The following HDAC4 variants were observed in gnomAD, a reference collection of about 807,000 sequenced individuals.
HDAC4 encodes the protein histone deacetylase A.
A neutral mutation model predicts 135.1 loss-of-function variants in HDAC4; 16 were observed. The ratio of observed to expected loss-of-function variants is 0.12; its 90% CI spans 0.08 to 0.18. HDAC4 has a LOEUF of 0.18. Among genes scored for constraint, HDAC4 ranks in the 10% least tolerant of loss-of-function variants. HDAC4 has a pLI of 1.00. For missense variants in HDAC4, 1,143 were observed against 1,511.8 expected (o/e 0.76, Z 4.05); for synonymous variants, 685 against 653.4 (o/e 1.05, Z -0.74).
At position 239,352,213 on chromosome 2, in the gene HDAC4, G is replaced by A. The variant is rs1413668686; in HGVS notation, c.22+465C>T. On this transcript the variant is annotated intron_variant, in intron 2 of 26. Coordinates refer to ENST00000543185, the MANE Select transcript of HDAC4 (RefSeq NM_001378414.1). The surrounding 1 kb of genome is among the most constrained non-coding windows in gnomAD (Gnocchi z 4.4). Reference sequence around the variant, plus strand: ...AATGCTTAGTGCAGCCCCTCACAGAGGCCCTCAAACACCAGGAGCAACTGT... The same window carrying A: ...AATGCTTAGTGCAGCCCCTCACAGAAGCCCTCAAACACCAGGAGCAACTGT... Among the ~76,000 whole-genome samples the A allele has an allele frequency of 2.0e-5, 3 of 152,114 alleles. No individual in the cohort carries two copies. Among genetic ancestry groups the A allele is most frequent in the Non-Finnish European group, 2.9e-5 (2 of 68,024 alleles).
rs1040603286 is a variant in HDAC4, at chr2:239,139,589, G to C, written c.978+95C>G. ...CCCTCACCCCAAATTGGAAGGTGAA[G>C]AGTGAAGGGCAAGTGCAAAGTGGGG... On this transcript the variant is annotated intron_variant, in intron 9 of 26. Transcript: ENST00000543185. This position sits in a 1 kb window ranked among gnomAD's most constrained non-coding sequence, Gnocchi z 5.3. 26 of 1,119,242 alleles carry C rather than the reference G, an allele frequency of 2.3e-5. No individual in the cohort carries two copies. The highest frequency in any genetic ancestry group is 3.3e-5 in the Non-Finnish European group (24 of 729,618). The allele number at this position is 1,119,242 out of a possible 1,614,324, so 69.3% of individuals were successfully genotyped here.
intron 3 of HDAC4, among the ~76,000 whole-genome samples, chr2:239,212,567 A>T (rs1238809731): frequency 6.6e-6 from 1 of 152,130 alleles, no homozygotes; most frequent in Non-Finnish European, 1.5e-5. Flanking sequence ...AGAGCATGTG[A>T]CCCCTCATCC....
At chr2:239,202,028 C>G (rs2045787158) in intron 3 of HDAC4, among the ~76,000 whole-genome samples, 1 of 152,184 alleles carries the variant, frequency 6.6e-6, no homozygotes, top group South Asian at 2.1e-4. Flanking sequence ...CCAGCCTCCA[C>G]CCCCCTGCAG....
chr2:239,140,544 A>C (rs1479927584), intron 8 of HDAC4, among the ~76,000 whole-genome samples: 1 of 152,188 alleles, frequency 6.6e-6, no homozygotes, highest in East Asian at 1.9e-4. Flanking sequence ...TTGGCTTGTC[A>C]TATGTTTAGT....
chr2:239,260,658 GCCT>G (rs2049306191), intron 2 of HDAC4, among the ~76,000 whole-genome samples: 1 of 152,156 alleles, frequency 6.6e-6, no homozygotes, highest in South Asian at 2.1e-4. Flanking sequence ...GTGGCCTGTG[GCCT>G]CCGGCTCTGC....
At chr2:239,274,450 C>T (rs2050232954) in intron 2 of HDAC4, among the ~76,000 whole-genome samples, 1 of 152,156 alleles carries the variant, frequency 6.6e-6, no homozygotes, top group Non-Finnish European at 1.5e-5. Flanking sequence ...TATGGGCCCC[C>T]GCAAGAGATG....
rs567310160 is a variant in HDAC4, at chr2:239,297,632, G to T, written c.22+55046C>A. Among the ~76,000 whole-genome samples the T allele has an allele frequency of 2.4e-4, 37 of 152,286 alleles. No individual in the cohort carries two copies. The East Asian group carries it at 7.1e-3, about 29-fold the overall frequency. ...GTCACTGCTGGCTAATGAGGCCTGG[G>T]GATGCCAGGCCCCAATGGTAGCGCC... On this transcript the variant is annotated intron_variant, in intron 2 of 26. Transcript: ENST00000543185.
chr2:239,194,845 T>C (rs1396102326), intron 3 of HDAC4, among the ~76,000 whole-genome samples: 1 of 152,226 alleles, frequency 6.6e-6, no homozygotes, highest in African/African-American at 2.4e-5. Flanking sequence ...CCACTCCAGC[T>C]TCTCCAGCAG....
rs543251274 is a variant in HDAC4, at chr2:239,050,293, A to G, written c.*2804T>C. 12 of 151,894 alleles carry G rather than the reference A, an allele frequency of 7.9e-5. No individual in the cohort carries two copies. The highest frequency in any genetic ancestry group is 2.9e-4 in the African/African-American group (12 of 41,416). The allele number at this position is 151,894 out of a possible 1,614,324, so 9.4% of individuals were successfully genotyped here. On this transcript the variant is annotated 3_prime_UTR_variant, in exon 27 of 27. Transcript: ENST00000543185. ...ACTGAGCAGTCCATGTTATCCCATC[A>G]TCTGCTTAAAAAAAAAAAGTGAGAT...
chr2:239,239,938 C>T (rs2048083686), intron 2 of HDAC4, among the ~76,000 whole-genome samples: 2 of 152,270 alleles, frequency 1.3e-5, no homozygotes, highest in Admixed American at 1.3e-4. Context: ...GCTAACCCCA[C>T]ATGTGGAGGC....
Position 239,107,290 on chromosome 2 carries a change from C to T in HDAC4, c.2112+760G>A, listed in dbSNP as rs145139217. On this transcript the variant is annotated intron_variant, in intron 15 of 26. Transcript: ENST00000543185. ...CCTCCTTGGGCCTGGGAGTCCACTG[C>T]AGCCAGATTCGGGGCAGGGCTCTGG... Among the ~76,000 whole-genome samples the T allele has an allele frequency of 2.6e-5, 4 of 152,360 alleles. No homozygotes were observed. The East Asian group carries it at 5.8e-4, about 22-fold the overall frequency.
At chr2:239,191,288 G>C (rs1326732351) in intron 3 of HDAC4, among the ~76,000 whole-genome samples, 1 of 152,188 alleles carries the variant, frequency 6.6e-6, no homozygotes, top group Non-Finnish European at 1.5e-5. Context: ...CCTTGTCCAG[G>C]TGCATCCCTG....
intron 16 of HDAC4, among the ~76,000 whole-genome samples, chr2:239,102,440 C>T (rs903308222): frequency 2.0e-5 from 3 of 152,294 alleles, no homozygotes; most frequent in Admixed American, 6.5e-5. Context: ...GGCCTTAAAG[C>T]GGAGCTCAAA....
intron 8 of HDAC4, among the ~76,000 whole-genome samples, chr2:239,142,154 G>C (rs527254661): frequency 6.6e-6 from 1 of 152,146 alleles, no homozygotes; most frequent in African/African-American, 2.4e-5. Flanking sequence ...GACAGAGTGC[G>C]TATGGGAATG....
chr2:239,118,751 G>A (rs1226529875), intron 12 of HDAC4, among the ~76,000 whole-genome samples: 6 of 152,124 alleles, frequency 3.9e-5, no homozygotes, highest in Non-Finnish European at 8.8e-5. Context: ...TCACAAAGCC[G>A]GGGAGAAACA....
chr2:239,321,334 G>A (rs1217295788), intron 2 of HDAC4, among the ~76,000 whole-genome samples: 7 of 151,734 alleles, frequency 4.6e-5, no homozygotes, highest in Admixed American at 1.3e-4. Context: ...GCGTGGTGGC[G>A]GGCGCCTGTA....
intron 2 of HDAC4, among the ~76,000 whole-genome samples, chr2:239,336,103 A>G (rs1691916499): frequency 6.6e-6 from 1 of 152,242 alleles, no homozygotes; most frequent in Non-Finnish European, 1.5e-5. Context: ...ACATATTGTC[A>G]AGTGAAATAA....
intron 11 of HDAC4, among the ~76,000 whole-genome samples, chr2:239,130,608 C>T (rs1322262263): frequency 1.4e-5 from 2 of 139,222 alleles, no homozygotes; most frequent in Admixed American, 1.5e-4. Flanking sequence ...GTGACAGGGC[C>T]ACCTCCACGA....
Position 239,245,678 on chromosome 2 carries a change from C to T in HDAC4, c.23-9014G>A, listed in dbSNP as rs2048421197. ...CTGGCGGGAGGTGGCTGTGGGCACT[C>T]GCTCTATGCACTGGTCTCTTTCCTT... On this transcript the variant is annotated intron_variant, in intron 2 of 26. Transcript: ENST00000543185. This position sits in a 1 kb window ranked among gnomAD's most constrained non-coding sequence, Gnocchi z 4.4. Among the ~76,000 whole-genome samples, 1 of 152,098 alleles carries T rather than the reference C, an allele frequency of 6.6e-6. No individual in the cohort carries two copies.
Sources: allele counts gnomAD v4.1 joint callset (sites outside exome capture counted in the v4.1 genomes callset), GRCh38; gene constraint gnomAD v4.1.1; non-coding constraint Gnocchi (gnomAD v3.1); transcripts MANE v1.5; gene names NCBI Gene and HGNC (gene_info 2026-07-23, HGNC 2026-07-21).